BTN3A1: variants seen among roughly 807,000 people sequenced by gnomAD.
BTN3A1 encodes the protein butyrophilin subfamily 3 member A1.
BTN3A1 carries 24 observed loss-of-function variants against 43.0 expected under a neutral mutation model. The ratio of observed to expected loss-of-function variants is 0.56; its 90% CI spans 0.40 to 0.78. The LOEUF (loss-of-function observed/expected upper bound fraction) is 0.78. BTN3A1 is among the 30% of genes least tolerant of loss of function. The probability of loss-of-function intolerance (pLI) is 0.00; values close to 1 mark genes in which losing one functional copy is unlikely to be tolerated. For missense variants in BTN3A1, 533 were observed against 626.2 expected (o/e 0.85, Z 1.59); for synonymous variants, 181 against 234.7 (o/e 0.77, Z 2.09).
chr6:26,413,134 T>G lies in BTN3A1; in HGVS notation c.1019-35T>G, dbSNP rs372251320. 3.2e-6 allele frequency: 5 copies of G among 1,574,370 alleles called. No individual in the cohort carries two copies. In the African/African-American group the frequency reaches 4.1e-5, roughly 13 times the overall value. ...AGGCTCTGAAATCCAGGAAAAATGG[T>G]TGACCTCATGGACACTTCCTCAAAC... On this transcript the variant is annotated intron_variant, in intron 9 of 9. Coordinates refer to ENST00000289361, the MANE Select transcript of BTN3A1 (RefSeq NM_007048.6).
At chr6:26,412,923 G>A (rs1261099960) in intron 9 of BTN3A1, 2 of 1,470,326 alleles carry the variant, frequency 1.4e-6, no homozygotes, top group Non-Finnish European at 1.8e-6. Context: ...CCGCGTCAGG[G>A]TATTGGGTTA....
chr6:26,409,416 C>T (rs1762127801), intron 4 of BTN3A1, 117 bp from the exon 5 acceptor site: 1 of 970,646 alleles, frequency 1.0e-6, no homozygotes, highest in Non-Finnish European at 1.6e-6. Context: ...ATTATTTAAC[C>T]TCATGAGATA....
rs2113786010 is a variant in BTN3A1 at position 26,405,368 on chromosome 6, A to C, written c.-192-4A>C. ...GTGCATTTCACATAGACATGTTTTT[A>C]CAGGTGATTTTCAATGTTGGGACTC... is the stretch of plus-strand genomic sequence containing the variant. On this transcript the variant is annotated splice_polypyrimidine_tract_variant and splice_region_variant and intron_variant, in intron 1 of 9. Transcript: ENST00000289361. The C allele has an allele frequency of 1.6e-6, 1 of 608,964 alleles. No homozygotes were observed. Among genetic ancestry groups the C allele is most frequent in the South Asian group, 2.0e-5 (1 of 50,020 alleles). 37.7% of individuals were successfully genotyped at this position (608,964 alleles called of 1,614,324 possible).
Position 26,409,637 on chromosome 6 carries a change from C to G in BTN3A1, c.820C>G (p.Gln274Glu), listed in dbSNP as rs1345424365. ...GGAGYFLWQQQEEKKTQFRKK... is the reference protein window; with the variant it reads ...GGAGYFLWQQEEEKKTQFRKK... ...AGCCGGTTACTTCCTGTGGCAACAG[C>G]AGGAGGAAAAAAAGACTCAGTTCAG... is the stretch of plus-strand genomic sequence containing the variant. The change falls in exon 5 of 10, where the codon CAG becomes GAG. Residue 274 changes from glutamine to glutamate, a missense_variant. Coordinates refer to ENST00000289361, the MANE Select transcript of BTN3A1 (RefSeq NM_007048.6). 6.2e-7 allele frequency: 1 copy of G among 1,600,738 alleles called. No individual in the cohort carries two copies. The highest frequency in any genetic ancestry group is 1.4e-5 in the African/African-American group (1 of 73,348).
rs1368792536 is a variant in BTN3A1, at chr6:26,405,520, G to C, written c.-44G>C. The C allele has an allele frequency of 1.3e-6, 2 of 1,566,210 alleles. No individual in the cohort carries two copies. The highest frequency in any genetic ancestry group is 1.8e-6 in the Non-Finnish European group (2 of 1,136,672). On this transcript the variant is annotated 5_prime_UTR_variant, in exon 2 of 10. Coordinates refer to ENST00000289361, the MANE Select transcript of BTN3A1 (RefSeq NM_007048.6). ...ATTCTATAGCTTCTTCCAGGTCATAGTGTCTGCCCCCCACCTTCCAGTATC... is the reference window on the plus strand; with the variant it reads ...ATTCTATAGCTTCTTCCAGGTCATACTGTCTGCCCCCCACCTTCCAGTATC...
rs538727485 is a variant in BTN3A1 at position 26,407,713 on chromosome 6, A to G, written c.476A>G (p.Asp159Gly). Residue 159 changes from aspartate to glycine, a missense_variant, in exon 4 of 10, where the codon GAT becomes GGT. Coordinates refer to ENST00000289361, the MANE Select transcript of BTN3A1 (RefSeq NM_007048.6). ...DLHVDVKGYK[D>G]GGIHLECRST... ...CACGTTGATGTGAAGGGTTACAAGGATGGAGGGATCCATCTGGAGTGCAGG... is the reference window on the plus strand; with the variant it reads ...CACGTTGATGTGAAGGGTTACAAGGGTGGAGGGATCCATCTGGAGTGCAGG... 6.2e-7 allele frequency: 1 copy of G among 1,614,184 alleles called. No homozygotes were observed. The highest frequency in any genetic ancestry group is 2.2e-5 in the East Asian group (1 of 44,886).
intron 9 of BTN3A1, 186 bp from the exon 10 acceptor site, chr6:26,412,983 A>G: frequency 2.7e-6 from 4 of 1,459,508 alleles, no homozygotes; most frequent in Non-Finnish European, 3.6e-6. Flanking sequence ...TCCCCTCTGG[A>G]CACAAGATAC....
At chr6:26,411,414 A>G (rs1762212987) in intron 8 of BTN3A1, 141 bp from the exon 9 acceptor site, 8 of 1,103,006 alleles carry the variant, frequency 7.3e-6, no homozygotes, top group Non-Finnish European at 1.1e-5. Context: ...CCCCTGATCC[A>G]TCAGAGCTGT....
intron 7 of BTN3A1, 45 bp downstream of exon 7, chr6:26,410,077 C>G: frequency 6.2e-7 from 1 of 1,609,210 alleles, no homozygotes; most frequent in Non-Finnish European, 8.5e-7. Flanking sequence ...CTATAACTGT[C>G]TGTGCTTGAA....
Position 26,409,555 on chromosome 6 carries a change from G to A in BTN3A1, c.738G>A (p.Gln246=). ...CAGACCCCTTCTTCAGGAGCGCCCA[G>A]AGGTGGATCGCCGCCCTGGCAGGGA... ...SIADPFFRSA[Q]RWIAALAGTL... Residue 246 remains glutamine, a synonymous_variant, in exon 5 of 10, where the codon CAG becomes CAA. Coordinates refer to ENST00000289361, the MANE Select transcript of BTN3A1 (RefSeq NM_007048.6). The A allele has an allele frequency of 6.2e-7, 1 of 1,614,048 alleles. No homozygotes were observed. The highest frequency in any genetic ancestry group is 8.5e-7 in the Non-Finnish European group (1 of 1,180,032).
In BTN3A1 at chr6:26,405,423, T is replaced by C. The variant is rs1407133146; in HGVS notation, c.-141T>C. On this transcript the variant is annotated 5_prime_UTR_variant, in exon 2 of 10. Coordinates refer to ENST00000289361, the MANE Select transcript of BTN3A1 (RefSeq NM_007048.6). Reference sequence around the variant, plus strand: ...GTGAAGACACTGAAGGACAGAATTTTTGGCAGAGGAAAGATCTTCTTCGGT... The same window carrying C: ...GTGAAGACACTGAAGGACAGAATTTCTGGCAGAGGAAAGATCTTCTTCGGT... The C allele has an allele frequency of 2.8e-6, 2 of 727,148 alleles. No homozygotes were observed. Among genetic ancestry groups the C allele is most frequent in the Non-Finnish European group, 4.7e-6 (2 of 425,350 alleles). The allele number at this position is 727,148 out of a possible 1,614,324, so 45.0% of individuals were successfully genotyped here.
Position 26,413,328 on chromosome 6 carries a change from G to A in BTN3A1, c.1178G>A (p.Gly393Glu), listed in dbSNP as rs749951455. The A allele has an allele frequency of 1.2e-6, 2 of 1,614,164 alleles. No homozygotes were observed. Among genetic ancestry groups the A allele is most frequent in the Non-Finnish European group, 1.7e-6 (2 of 1,180,042 alleles). Residue 393 changes from glycine (G) to glutamate (E), a missense_variant, in exon 10 of 10, where the codon GGG becomes GAG. Physicochemically the swap from Gly to Glu is moderately conservative, Grantham distance 98. Transcript: ENST00000289361. Reference protein sequence around the residue: ...CVLGCESFISGRHYWEVEVGD... With the variant: ...CVLGCESFISERHYWEVEVGD... Reference sequence around the variant, plus strand: ...CTCGGCTGTGAGAGCTTCATATCAGGGAGACATTACTGGGAGGTGGAGGTA... The same window carrying A: ...CTCGGCTGTGAGAGCTTCATATCAGAGAGACATTACTGGGAGGTGGAGGTA...
At chr6:26,412,745 A>G (rs1229344389) in intron 9 of BTN3A1, 1 of 1,551,448 alleles carries the variant, frequency 6.4e-7, no homozygotes, top group East Asian at 2.4e-5. Context: ...TTGTTAAATA[A>G]ATTGGATGTA....
intron 4 of BTN3A1, among the ~76,000 whole-genome samples, chr6:26,408,719 A>T (rs908685644): frequency 2.0e-5 from 3 of 152,236 alleles, no homozygotes; most frequent in African/African-American, 7.2e-5. Context: ...CAAGGTTGGA[A>T]ACTATGCAGA....
rs1007404734 is a variant in BTN3A1 at position 26,412,911 on chromosome 6, G to C, written c.1019-258G>C. 18 of 1,479,346 alleles carry C rather than the reference G, an allele frequency of 1.2e-5. No individual in the cohort carries two copies. The South Asian group carries it at 1.4e-4, about 12-fold the overall frequency. 91.6% of individuals were successfully genotyped at this position (1,479,346 alleles called of 1,614,324 possible). A position where few individuals can be genotyped will look rare whatever the true frequency, so the allele number is the denominator to read the frequency against. ...AGAAAGGATCCTTGCTGCTTCCTGA[G>C]GCCGCGTCAGGGTATTGGGTTAGGC... On this transcript the variant is annotated intron_variant, in intron 9 of 9. Transcript: ENST00000289361.
At chr6:26,411,622 G>T in intron 9 of BTN3A1, 41 bp downstream of exon 9, 1 of 1,597,898 alleles carries the variant, frequency 6.3e-7, no homozygotes, top group Non-Finnish European at 8.5e-7. Flanking sequence ...AACAACCTGA[G>T]GGACTATATT....
At chr6:26,411,810 C>T (rs1232302562) in intron 9 of BTN3A1, 2 of 528,314 alleles carry the variant, frequency 3.8e-6, no homozygotes, top group East Asian at 6.5e-5. Context: ...CTTCCTCAGA[C>T]CTTCCTGGGA....
chr6:26,411,935 T>G, intron 9 of BTN3A1: 1 of 256,110 alleles, frequency 3.9e-6, no homozygotes. Context: ...CCAAAGAACT[T>G]AGTCCTTCCC....
At position 26,406,138 on chromosome 6, in the gene BTN3A1, T is replaced by A. The variant is rs771438333; in HGVS notation, c.315T>A (p.Thr105=). The stretch of plus-strand genomic sequence containing the variant: ...CTTCGATTCTGCGGGATGGCATCAC[T>A]GCAGGGAAGGCTGCTCTCCGAATAC... The part of the protein sequence containing the change: ...GRTSILRDGI[T]AGKAALRIHN... Residue 105 remains threonine, a synonymous_variant, in exon 3 of 10, where the codon ACT becomes ACA. Transcript: ENST00000289361. 9 of 1,549,674 alleles carry A rather than the reference T, an allele frequency of 5.8e-6. No homozygotes were observed. In the Admixed American group the frequency reaches 1.6e-4, roughly 27 times the overall value.
Sources: gnomAD v4.1 joint callset for allele counts (sites outside exome capture counted in the v4.1 genomes callset) on GRCh38, gnomAD v4.1.1 for gene constraint, MANE v1.5 for transcripts, NCBI Gene and HGNC (gene_info 2026-07-23, HGNC 2026-07-21) for gene names.